ASIC2: variants seen among roughly 807,000 people sequenced by gnomAD.
ASIC2 encodes acid sensing ion channel subunit 2, also known as acid-sensing ion channel 2.
In ASIC2, 25 loss-of-function variants were observed where a neutral mutation model predicts 57.3. The observed-to-expected ratio is 0.44, with a 90% CI of 0.32 to 0.61. The LOEUF (loss-of-function observed/expected upper bound fraction) is 0.61, where lower values mean the gene tolerates loss of function less well. Among genes scored for constraint, ASIC2 ranks in the 20% least tolerant of loss-of-function variants. The pLI, the probability that ASIC2 is intolerant of heterozygous loss-of-function variation, is 0.06. For missense variants in ASIC2, 641 were observed against 738.1 expected (o/e 0.87, Z 1.52); for synonymous variants, 319 against 307.5 (o/e 1.04, Z -0.39).
At chr17:33,920,732 T>C (rs1051258568) in intron 1 of ASIC2, among the ~76,000 whole-genome samples, 17 of 152,222 alleles carry the variant, frequency 1.1e-4, no homozygotes, top group African/African-American at 4.1e-4. Flanking sequence ...TATATATTTT[T>C]TTAAAAACCT....
chr17:33,526,006 C>T (rs1191309157), intron 1 of ASIC2, among the ~76,000 whole-genome samples: 1 of 152,156 alleles, frequency 6.6e-6, no homozygotes, highest in East Asian at 1.9e-4. Flanking sequence ...ATACAAATCT[C>T]TAGTCTCTTC....
At chr17:33,854,936 C>T (rs972455816) in intron 1 of ASIC2, among the ~76,000 whole-genome samples, 6 of 152,186 alleles carry the variant, frequency 3.9e-5, no homozygotes, top group African/African-American at 9.6e-5. Flanking sequence ...CTCTGGTTGC[C>T]AGGCATGAGC....
chr17:33,382,398 A>G (rs866153665), intron 1 of ASIC2, among the ~76,000 whole-genome samples: 1 of 152,144 alleles, frequency 6.6e-6, no homozygotes, highest in African/African-American at 2.4e-5. Flanking sequence ...AGGCCTCTCT[A>G]TCAGAAGGCT....
chr17:33,108,825 C>T (rs2092245579), intron 2 of ASIC2, among the ~76,000 whole-genome samples: 1 of 152,028 alleles, frequency 6.6e-6, no homozygotes, highest in Non-Finnish European at 1.5e-5. Flanking sequence ...AGGAGTTCTG[C>T]CTGACACTCA....
At chr17:33,179,026 G>C (rs2142056834) in intron 1 of ASIC2, among the ~76,000 whole-genome samples, 1 of 152,318 alleles carries the variant, frequency 6.6e-6, no homozygotes, top group Non-Finnish European at 1.5e-5. Flanking sequence ...TGGTGGCTCG[G>C]ATACTGAAGG....
intron 1 of ASIC2, among the ~76,000 whole-genome samples, chr17:33,570,651 T>A (rs1916403775): frequency 1.3e-5 from 2 of 152,220 alleles, no homozygotes; most frequent in Admixed American, 6.5e-5. Flanking sequence ...TTTCAAAACC[T>A]ACTGTTTCTC....
chr17:33,074,909 A>G (rs750159546), intron 3 of ASIC2, among the ~76,000 whole-genome samples: 1 of 152,142 alleles, frequency 6.6e-6, no homozygotes, highest in African/African-American at 2.4e-5. Flanking sequence ...CCACTCAATG[A>G]ACTATGATGG....
At chr17:33,661,892 A>G (rs963059989) in intron 1 of ASIC2, among the ~76,000 whole-genome samples, 2 of 152,120 alleles carry the variant, frequency 1.3e-5, no homozygotes, top group Admixed American at 6.5e-5. Context: ...CTTGGTATCT[A>G]TTCATCCGCT....
At chr17:33,502,143 G>A (rs1914118954) in intron 1 of ASIC2, among the ~76,000 whole-genome samples, 1 of 152,152 alleles carries the variant, frequency 6.6e-6, no homozygotes, top group South Asian at 2.1e-4. Flanking sequence ...GATGGGCAAG[G>A]TAGGGCTATG....
intron 1 of ASIC2, among the ~76,000 whole-genome samples, chr17:33,643,151 C>CA (rs1555549422): frequency 2.9e-4 from 44 of 150,100 alleles, no homozygotes; most frequent in Non-Finnish European, 4.9e-4. Context: ...CTCATTTCCC[C>CA]CCCCCCACAT....
At chr17:33,363,612 G>A (rs116106845) in intron 1 of ASIC2, among the ~76,000 whole-genome samples, 1 of 152,164 alleles carries the variant, frequency 6.6e-6, no homozygotes, top group Non-Finnish European at 1.5e-5. Flanking sequence ...ACACCAGTGC[G>A]CATGTCCATT....
At chr17:33,748,578 G>A (rs1910334295) in intron 1 of ASIC2, among the ~76,000 whole-genome samples, 1 of 152,212 alleles carries the variant, frequency 6.6e-6, no homozygotes, top group African/African-American at 2.4e-5. Context: ...TAGGGTGGAA[G>A]TGGCAGGATA....
At chr17:33,979,940 C>T (rs1178046376) in intron 1 of ASIC2, among the ~76,000 whole-genome samples, 1 of 152,084 alleles carries the variant, frequency 6.6e-6, no homozygotes, top group Non-Finnish European at 1.5e-5. Context: ...CTCTGTGCCC[C>T]TTAGGCCTCC....
intron 1 of ASIC2, chr17:34,037,879 C>T: frequency 6.2e-7 from 1 of 1,613,886 alleles, no homozygotes; most frequent in Non-Finnish European, 8.5e-7. Flanking sequence ...GGATGTCTTG[C>T]TGAGACTGGT....
At chr17:34,131,514 A>C (rs1422270182) in intron 1 of ASIC2, among the ~76,000 whole-genome samples, 2 of 152,154 alleles carry the variant, frequency 1.3e-5, no homozygotes, top group Non-Finnish European at 2.9e-5. Flanking sequence ...CAGAGGCTCC[A>C]GGGCTGAGCT....
At chr17:33,026,470 G>A (rs1471433873) in intron 4 of ASIC2, among the ~76,000 whole-genome samples, 1 of 152,240 alleles carries the variant, frequency 6.6e-6, no homozygotes, top group African/African-American at 2.4e-5. Context: ...TAGTAGTGAT[G>A]GAAGTGGGCT....
intron 1 of ASIC2, among the ~76,000 whole-genome samples, chr17:33,743,134 G>C (rs964842494): frequency 1.3e-5 from 2 of 152,206 alleles, no homozygotes; most frequent in Non-Finnish European, 2.9e-5. Flanking sequence ...GAGGGGCTCT[G>C]TTGGTCTACT....
intron 3 of ASIC2, among the ~76,000 whole-genome samples, chr17:33,070,505 T>A (rs1328943466): frequency 6.6e-6 from 1 of 152,076 alleles, no homozygotes; most frequent in Admixed American, 6.6e-5. Context: ...GTCCAGCTAA[T>A]TTTTACATTT....
chr17:33,134,842 A>G (rs1179612861), intron 1 of ASIC2, among the ~76,000 whole-genome samples: 1 of 151,270 alleles, frequency 6.6e-6, no homozygotes, highest in African/African-American at 2.5e-5. Context: ...CAAGACTGGC[A>G]TTCTCAGACT....
Sources: gnomAD v4.1 joint callset for allele counts (sites outside exome capture counted in the v4.1 genomes callset) on GRCh38, gnomAD v4.1.1 for gene constraint, MANE v1.5 for transcripts, NCBI Gene and HGNC (gene_info 2026-07-23, HGNC 2026-07-21) for gene names.